Variants in TBC1D22A observed in about 807,000 individuals in gnomAD.
TBC1D22A encodes the protein TBC1 domain family member 22A.
TBC1D22A carries 38 observed loss-of-function variants against 60.2 expected under a neutral mutation model. The ratio of observed to expected loss-of-function variants is 0.63; its 90% confidence interval spans 0.49 to 0.83. The LOEUF (loss-of-function observed/expected upper bound fraction) is 0.83. TBC1D22A is among the 40% of genes least tolerant of loss of function. The probability of loss-of-function intolerance (pLI) is 0.00; values close to 1 mark genes in which losing one functional copy is unlikely to be tolerated. For synonymous variants in TBC1D22A, 302 were observed against 281.7 expected (o/e 1.07, Z -0.72); for missense variants, 628 against 701.0 (o/e 0.90, Z 1.18).
chr22:46,830,220 A>G (rs139597), intron 4 of TBC1D22A, among the ~76,000 whole-genome samples: 64,279 of 152,110 alleles, frequency 0.42, 13,570 homozygotes, highest in South Asian at 0.46. Context: ...GCAGGCTGGC[A>G]TGGTGGATGG....
intron 11 of TBC1D22A, among the ~76,000 whole-genome samples, chr22:47,038,817 T>A (rs1438420680): frequency 6.6e-6 from 1 of 152,202 alleles, no homozygotes; most frequent in East Asian, 1.9e-4. Flanking sequence ...TTCTTCCAAG[T>A]GTTTGGCAGC....
intron 1 of TBC1D22A, among the ~76,000 whole-genome samples, chr22:46,778,271 C>T (rs559191762): frequency 3.3e-5 from 5 of 152,052 alleles, no homozygotes; most frequent in Admixed American, 1.3e-4. Context: ...CTTCTTTCTT[C>T]AGTAGTAAAT....
intron 7 of TBC1D22A, among the ~76,000 whole-genome samples, chr22:46,897,340 C>G (rs2147650153): frequency 6.6e-6 from 1 of 152,230 alleles, no homozygotes; most frequent in African/African-American, 2.4e-5. Flanking sequence ...TAGTGGCCCG[C>G]TATCAGTCTG....
chr22:47,148,841 C>T (rs181363638), intron 12 of TBC1D22A, among the ~76,000 whole-genome samples: 1 of 152,286 alleles, frequency 6.6e-6, no homozygotes, highest in African/African-American at 2.4e-5. Flanking sequence ...CCTGCCTGTG[C>T]TTCAGGGACC....
At chr22:46,982,110 GGTTGAT>G (rs1243930313) in intron 9 of TBC1D22A, among the ~76,000 whole-genome samples, 1 of 152,154 alleles carries the variant, frequency 6.6e-6, no homozygotes, top group African/African-American at 2.4e-5. Context: ...TGGGAAGCTG[GGTTGAT>G]GTTTGACAGC....
chr22:47,058,731 G>A (rs1439044106), intron 11 of TBC1D22A, among the ~76,000 whole-genome samples: 1 of 152,148 alleles, frequency 6.6e-6, no homozygotes, highest in Admixed American at 6.5e-5. Context: ...GCTCGCTGAG[G>A]CCCAGGCCTT....
chr22:46,858,592 A>G (rs1259805696), intron 4 of TBC1D22A, among the ~76,000 whole-genome samples: 1 of 152,212 alleles, frequency 6.6e-6, no homozygotes, highest in Non-Finnish European at 1.5e-5. Flanking sequence ...GCCTGCAGGC[A>G]TTTCTGATGC....
rs764167354 is a variant in TBC1D22A, at chr22:47,173,666, G to A, written c.*40G>A. 2.5e-6 allele frequency: 4 copies of A among 1,608,842 alleles called. No individual in the cohort carries two copies. The East Asian group carries it at 8.9e-5, about 36-fold the overall frequency. On this transcript the variant is annotated 3_prime_UTR_variant, in exon 13 of 13. Coordinates refer to ENST00000337137, the MANE Select transcript of TBC1D22A (RefSeq NM_014346.5). ...GCAGCTGGCCTCACTGTCCCGGGTG[G>A]CGCGCCCCACCTGCCTGGCTGGTGG...
At chr22:46,810,512 CTTTTA>C (rs1486489746) in intron 4 of TBC1D22A, among the ~76,000 whole-genome samples, 4 of 151,656 alleles carry the variant, frequency 2.6e-5, no homozygotes, top group Admixed American at 6.6e-5. Flanking sequence ...GTATAATCAT[CTTTTA>C]TTTTATTATG....
chr22:47,125,394 T>TTC (rs1237666014), intron 12 of TBC1D22A, among the ~76,000 whole-genome samples: 1 of 152,222 alleles, frequency 6.6e-6, no homozygotes, highest in Non-Finnish European at 1.5e-5. Context: ...CCAGAGCATC[T>TTC]TCTGTTCCTA....
chr22:46,872,203 T>C (rs1056960644), intron 4 of TBC1D22A, among the ~76,000 whole-genome samples: 2 of 152,196 alleles, frequency 1.3e-5, no homozygotes, highest in African/African-American at 4.8e-5. Flanking sequence ...GCTTTGTCGG[T>C]GAACTGTATC....
chr22:46,940,665 C>G (rs2071945489), intron 8 of TBC1D22A, among the ~76,000 whole-genome samples: 1 of 145,888 alleles, frequency 6.9e-6, no homozygotes, highest in Non-Finnish European at 1.5e-5. Flanking sequence ...CCTTGAACAG[C>G]ATGGGGACCG....
chr22:47,037,351 C>T (rs781388947), intron 11 of TBC1D22A, among the ~76,000 whole-genome samples, 153 bp downstream of exon 11: 8 of 152,086 alleles, frequency 5.3e-5, no homozygotes, highest in African/African-American at 1.2e-4. Context: ...TACTCCTGGC[C>T]GGGCGCGGTG....
At position 46,946,933 on chromosome 22, in the gene TBC1D22A, G is replaced by A. The variant is rs527636242; in HGVS notation, c.1016-27357G>A. Among the ~76,000 whole-genome samples the A allele has an allele frequency of 4.6e-5, 7 of 152,262 alleles. No homozygotes were observed. In the East Asian group the frequency reaches 1.4e-3, roughly 29 times the overall value. On this transcript the variant is annotated intron_variant, in intron 8 of 12. Coordinates refer to ENST00000337137, the MANE Select transcript of TBC1D22A (RefSeq NM_014346.5). ...TTTAGGGAGAGATTTAAGCTGCTCC[G>A]TCTTTCTGGGATGTTTGTAGTACAG...
chr22:46,763,130 C>G, intron 1 of TBC1D22A: 1 of 420,382 alleles, frequency 2.4e-6, no homozygotes, highest in Non-Finnish European at 4.2e-6. Context: ...TCCTGGGCTC[C>G]TTGGGGAGGC....
In TBC1D22A at chr22:47,173,678, T is replaced by A. The variant is rs780918804; in HGVS notation, c.*52T>A. The A allele has an allele frequency of 2.5e-6, 4 of 1,607,664 alleles. No homozygotes were observed. In the South Asian group the frequency reaches 4.4e-5, roughly 18 times the overall value. ...ACTGTCCCGGGTGGCGCGCCCCACC[T>A]GCCTGGCTGGTGGTAGGCCCCTGTG... On this transcript the variant is annotated 3_prime_UTR_variant, in exon 13 of 13. Coordinates refer to ENST00000337137, the MANE Select transcript of TBC1D22A (RefSeq NM_014346.5).
At chr22:47,133,586 C>T (rs1329123415) in intron 12 of TBC1D22A, among the ~76,000 whole-genome samples, 3 of 152,168 alleles carry the variant, frequency 2.0e-5, no homozygotes, top group Non-Finnish European at 2.9e-5. Context: ...TGTGGCTTTT[C>T]GACATTCGTT....
At chr22:46,976,895 T>A (rs2074320638) in intron 9 of TBC1D22A, among the ~76,000 whole-genome samples, 1 of 152,180 alleles carries the variant, frequency 6.6e-6, no homozygotes, top group African/African-American at 2.4e-5. Context: ...TGCTGGGGGC[T>A]CTTCCTCACC....
chr22:46,881,640 T>C (rs1234455701), intron 5 of TBC1D22A, among the ~76,000 whole-genome samples: 2 of 152,186 alleles, frequency 1.3e-5, no homozygotes, highest in African/African-American at 2.4e-5. Flanking sequence ...GAGGCTGCTC[T>C]TGGCAGGCTC....
Sources: allele counts gnomAD v4.1 joint callset (sites outside exome capture counted in the v4.1 genomes callset), GRCh38; gene constraint gnomAD v4.1.1; transcripts MANE v1.5; gene names NCBI Gene and HGNC (gene_info 2026-07-23, HGNC 2026-07-21).